The following UBE2K variants were observed in gnomAD, a reference collection of about 807,000 sequenced individuals.
UBE2K encodes the protein ubiquitin-conjugating enzyme E2 K.
A neutral mutation model predicts 30.0 loss-of-function variants in UBE2K; 6 were observed. That is an observed-to-expected ratio of 0.20 (90% CI 0.11 to 0.39). The LOEUF (loss-of-function observed/expected upper bound fraction) is 0.39, where lower values mean the gene tolerates loss of function less well. Ranked by LOEUF, UBE2K falls within the 10% of genes least tolerant of loss-of-function variation. The pLI, the probability that UBE2K is intolerant of heterozygous loss-of-function variation, is 1.00. For missense variants in UBE2K, 61 were observed against 241.6 expected (o/e 0.25, Z 4.96); for synonymous variants, 86 against 83.7 (o/e 1.03, Z -0.15).
intron 4 of UBE2K, among the ~76,000 whole-genome samples, chr4:39,759,886 C>T (rs1578487760): frequency 6.6e-6 from 1 of 152,012 alleles, no homozygotes; most frequent in African/African-American, 2.4e-5. Flanking sequence ...AAGAATGTGG[C>T]TTAACCAGGC....
intron 2 of UBE2K, among the ~76,000 whole-genome samples, chr4:39,741,237 C>T (rs1039270508): frequency 1.5e-4 from 23 of 152,084 alleles, no homozygotes; most frequent in African/African-American, 5.3e-4. Flanking sequence ...CACCACTGCA[C>T]TCCAGCCTGG....
intron 1 of UBE2K, among the ~76,000 whole-genome samples, chr4:39,705,668 G>C (rs538016134): frequency 3.0e-4 from 46 of 152,230 alleles, no homozygotes; most frequent in African/African-American, 1.1e-3. Flanking sequence ...ATCTGCATGA[G>C]AGAGATTCCT....
intron 1 of UBE2K, among the ~76,000 whole-genome samples, chr4:39,722,758 A>G (rs997632659): frequency 1.3e-5 from 2 of 151,888 alleles, no homozygotes; most frequent in Non-Finnish European, 2.9e-5. Flanking sequence ...GTTATAAGGA[A>G]ATGATGTTAT....
chr4:39,763,900 T>C (rs1178143973), intron 4 of UBE2K, among the ~76,000 whole-genome samples: 1 of 152,006 alleles, frequency 6.6e-6, no homozygotes, highest in Non-Finnish European at 1.5e-5. Flanking sequence ...CTACCACACT[T>C]GGCTAATTTT....
At chr4:39,705,142 C>T (rs1162159909) in intron 1 of UBE2K, among the ~76,000 whole-genome samples, 8 of 148,642 alleles carry the variant, frequency 5.4e-5, no homozygotes, top group South Asian at 4.3e-4. Context: ...TGTGATCTGC[C>T]GCCTCGGCCT....
intron 4 of UBE2K, among the ~76,000 whole-genome samples, chr4:39,759,358 C>T (rs1711723678): frequency 6.6e-6 from 1 of 152,138 alleles, no homozygotes; most frequent in Admixed American, 6.5e-5. Context: ...CTCACTGCAA[C>T]CTCCGCCTCC....
At chr4:39,763,333 C>T (rs1456105360) in intron 4 of UBE2K, among the ~76,000 whole-genome samples, 1 of 151,562 alleles carries the variant, frequency 6.6e-6, no homozygotes, top group Non-Finnish European at 1.5e-5. Context: ...CTCACTGCAA[C>T]CTCCACCTCC....
At chr4:39,748,308 A>T (rs1233202214) in intron 3 of UBE2K, among the ~76,000 whole-genome samples, 1 of 152,164 alleles carries the variant, frequency 6.6e-6, no homozygotes, top group Non-Finnish European at 1.5e-5. Flanking sequence ...AGCTTAGTGC[A>T]GCCTTTAACT....
intron 1 of UBE2K, among the ~76,000 whole-genome samples, chr4:39,701,332 TAATC>T (rs994691229): frequency 1.4e-4 from 22 of 152,310 alleles, no homozygotes; most frequent in Admixed American, 5.2e-4. Context: ...TATAAACCCA[TAATC>T]AATGTTTTAT....
At chr4:39,758,728 T>A (rs1194191712) in intron 4 of UBE2K, among the ~76,000 whole-genome samples, 1 of 152,014 alleles carries the variant, frequency 6.6e-6, no homozygotes, top group Admixed American at 6.6e-5. Flanking sequence ...AAACTTCCCA[T>A]TGACTTCTCT....
At chr4:39,707,092 T>C (rs563305698) in intron 1 of UBE2K, among the ~76,000 whole-genome samples, 3 of 151,992 alleles carry the variant, frequency 2.0e-5, no homozygotes, top group East Asian at 1.9e-4. Context: ...GTATTTTTAG[T>C]AGAGACTGGA....
At chr4:39,770,041 G>A (rs1712665841) in intron 4 of UBE2K, 2 of 1,487,470 alleles carry the variant, frequency 1.3e-6, no homozygotes, top group South Asian at 2.6e-5. Flanking sequence ...TCCCCACCTA[G>A]CCCAGGGACC....
intron 2 of UBE2K, among the ~76,000 whole-genome samples, chr4:39,743,894 G>A (rs1364217850): frequency 5.3e-5 from 8 of 151,948 alleles, no homozygotes; most frequent in Non-Finnish European, 1.5e-5. Flanking sequence ...ATAGATTCTT[G>A]CTCTGTCACG....
rs117263854 is a variant in UBE2K, at chr4:39,745,507, T to C, written c.158-245T>C. On this transcript the variant is annotated intron_variant, in intron 2 of 6. Transcript: ENST00000261427. The stretch of plus-strand genomic sequence containing the variant: ...CATTGCATTGTCTGGATTAAATGTA[T>C]TTATCTCTGGCCTTGTTACTCACTG... Among the ~76,000 whole-genome samples the C allele has an allele frequency of 1.2e-3, 179 of 152,334 alleles. 2 individuals are homozygous for C. The East Asian group carries it at 0.029, about 24-fold the overall frequency.
At chr4:39,733,454 T>C (rs1184247328) in intron 1 of UBE2K, among the ~76,000 whole-genome samples, 2 of 151,708 alleles carry the variant, frequency 1.3e-5, no homozygotes, top group African/African-American at 2.4e-5. Context: ...TGCCTCAGTC[T>C]CCCGAGTAGC....
At chr4:39,707,251 C>T (rs1474248882) in intron 1 of UBE2K, among the ~76,000 whole-genome samples, 1 of 151,908 alleles carries the variant, frequency 6.6e-6, no homozygotes, top group Non-Finnish European at 1.5e-5. Flanking sequence ...CTCACTCTCT[C>T]ACCCAGGCTG....
chr4:39,728,338 G>A (rs551337763), intron 1 of UBE2K, among the ~76,000 whole-genome samples: 2 of 152,220 alleles, frequency 1.3e-5, no homozygotes, highest in South Asian at 4.1e-4. Flanking sequence ...AGCTGGGAGT[G>A]GTGGTTTACG....
chr4:39,770,984 A>G lies in UBE2K; in HGVS notation c.300-3850A>G. Reference sequence around the variant, plus strand: ...GGGGTCCTGGCTGGAGGGAGGAGGGACTTGTTGGCGCTGACGCTGCTCACA... The same window carrying G: ...GGGGTCCTGGCTGGAGGGAGGAGGGGCTTGTTGGCGCTGACGCTGCTCACA... On this transcript the variant is annotated intron_variant, in intron 4 of 6. Coordinates refer to ENST00000261427, the MANE Select transcript of UBE2K (RefSeq NM_005339.5). 3 of 1,604,386 alleles carry G rather than the reference A, an allele frequency of 1.9e-6. No individual in the cohort carries two copies. The South Asian group carries it at 3.3e-5, about 18-fold the overall frequency.
intron 5 of UBE2K, among the ~76,000 whole-genome samples, chr4:39,776,598 A>G (rs1019839559): frequency 3.3e-5 from 5 of 152,132 alleles, no homozygotes; most frequent in African/African-American, 7.2e-5. Flanking sequence ...TATCCAATCT[A>G]CCATATTTCC....
Sources: allele counts gnomAD v4.1 joint callset (sites outside exome capture counted in the v4.1 genomes callset), GRCh38; gene constraint gnomAD v4.1.1; transcripts MANE v1.5; gene names NCBI Gene and HGNC (gene_info 2026-07-23, HGNC 2026-07-21).